The following PATJ variants were observed in gnomAD, a reference collection of about 807,000 sequenced individuals.
PATJ encodes inaD-like protein.
In PATJ, 190 loss-of-function variants were observed where a neutral mutation model predicts 224.9. That is an observed-to-expected ratio of 0.84 (90% CI 0.75 to 0.95). The LOEUF is 0.95. Ranked by LOEUF, PATJ falls within the 40% of genes least tolerant of loss-of-function variation. The probability of loss-of-function intolerance (pLI) is 0.00; values close to 1 mark genes in which losing one functional copy is unlikely to be tolerated. For synonymous variants in PATJ, 769 were observed against 820.3 expected, an observed-to-expected ratio of 0.94 and a Z score of 1.07; for missense variants, 2,121 against 2,270.3, an observed-to-expected ratio of 0.93 and a Z score of 1.34.
intron 28 of PATJ, among the ~76,000 whole-genome samples, chr1:62,013,161 G>A (rs1449561863): frequency 1.3e-5 from 2 of 152,130 alleles, no homozygotes; most frequent in Non-Finnish European, 2.9e-5. Context: ...TAAAATTAAC[G>A]ATCTGCTTTC....
At chr1:61,969,902 C>G (rs955569348) in intron 27 of PATJ, among the ~76,000 whole-genome samples, 7 of 152,020 alleles carry the variant, frequency 4.6e-5, no homozygotes, top group African/African-American at 1.7e-4. Context: ...CCATGTTGGC[C>G]GGACTGGTCT....
chr1:61,880,180 C>T (rs1667903362), intron 21 of PATJ, among the ~76,000 whole-genome samples: 1 of 152,170 alleles, frequency 6.6e-6, no homozygotes, highest in South Asian at 2.1e-4. Flanking sequence ...CTTCTTAGAC[C>T]TTACCATATC....
chr1:61,904,017 G>A (rs930783438), intron 24 of PATJ, among the ~76,000 whole-genome samples: 3 of 151,946 alleles, frequency 2.0e-5, no homozygotes, highest in Admixed American at 6.6e-5. Flanking sequence ...CAGGTGATCC[G>A]CCCACCTCAG....
chr1:61,993,702 A>G (rs868607419), intron 28 of PATJ, among the ~76,000 whole-genome samples: 11 of 152,162 alleles, frequency 7.2e-5, no homozygotes, highest in East Asian at 3.9e-4. Context: ...GGAAATTCCA[A>G]GGGTTTTAGG....
At chr1:61,917,725 G>A (rs2149246988) in intron 26 of PATJ, among the ~76,000 whole-genome samples, 1 of 152,242 alleles carries the variant, frequency 6.6e-6, no homozygotes, top group Non-Finnish European at 1.5e-5. Context: ...GTAGGAGCAT[G>A]TGTTCTTTTA....
intron 22 of PATJ, among the ~76,000 whole-genome samples, chr1:61,898,405 A>ATTTTT (rs34243564): frequency 6.9e-6 from 1 of 144,646 alleles, no homozygotes; most frequent in Non-Finnish European, 1.5e-5. Flanking sequence ...TGCCCAGCTA[A>ATTTTT]TTTTTTTTTT....
chr1:61,796,513 A>C (rs1651134646), intron 10 of PATJ, among the ~76,000 whole-genome samples: 1 of 152,196 alleles, frequency 6.6e-6, no homozygotes, highest in Non-Finnish European at 1.5e-5. Context: ...TTTGAATTGC[A>C]TCAGAGATTA....
intron 28 of PATJ, among the ~76,000 whole-genome samples, chr1:62,013,740 C>CTGAA (rs1646593740): frequency 6.6e-6 from 1 of 152,218 alleles, no homozygotes; most frequent in East Asian, 1.9e-4. Flanking sequence ...AAATGCTTAA[C>CTGAA]TGAATGCCAG....
intron 28 of PATJ, among the ~76,000 whole-genome samples, chr1:62,006,321 C>T (rs1224289572): frequency 6.6e-6 from 1 of 152,064 alleles, no homozygotes; most frequent in Non-Finnish European, 1.5e-5. Flanking sequence ...TCACCATGTT[C>T]CCCAGGCTGG....
intron 1 of PATJ, among the ~76,000 whole-genome samples, chr1:61,754,978 C>T (rs1343480174): frequency 6.6e-6 from 1 of 151,920 alleles, no homozygotes; most frequent in Admixed American, 6.6e-5. Flanking sequence ...GAATGGTCTC[C>T]AAAATGTGCA....
chr1:61,988,000 A>G (rs1479674494), intron 27 of PATJ, among the ~76,000 whole-genome samples: 1 of 152,178 alleles, frequency 6.6e-6, no homozygotes, highest in Non-Finnish European at 1.5e-5. Context: ...GGAGTTTGAG[A>G]CCAGCCTGGG....
At chr1:61,809,851 C>CTT (rs34929042) in intron 14 of PATJ, among the ~76,000 whole-genome samples, 228 of 138,920 alleles carry the variant, frequency 1.6e-3, no homozygotes, top group African/African-American at 2.0e-3. Context: ...TCTTTTCTTT[C>CTT]TTTTTTTTTT....
At position 61,796,786 on chromosome 1, in the gene PATJ, C is replaced by A. The variant is rs577765187; in HGVS notation, c.1261-501C>A. Among the ~76,000 whole-genome samples the A allele has an allele frequency of 8.1e-5, 11 of 135,620 alleles. No homozygotes were observed. The South Asian group carries it at 2.6e-3, about 32-fold the overall frequency. 89.0% of individuals were successfully genotyped at this position (135,620 alleles called of 152,430 possible). ...CTTTCTATTTTCTTCCCCTTTCTTT[C>A]CCCCCTTCCTCTCTTCCTTCCTTCT... On this transcript the variant is annotated intron_variant, in intron 10 of 43. Transcript: ENST00000642238.
intron 28 of PATJ, chr1:62,013,429 A>G: frequency 2.0e-6 from 2 of 985,398 alleles, no homozygotes; most frequent in Non-Finnish European, 2.4e-6. Flanking sequence ...AACTCAGCAC[A>G]TCCTCATTGA....
intron 20 of PATJ, among the ~76,000 whole-genome samples, chr1:61,865,858 T>C (rs890102210): frequency 2.0e-5 from 3 of 152,188 alleles, no homozygotes; most frequent in African/African-American, 4.8e-5. Context: ...AGTGGGCAGA[T>C]AGAGGGTGTT....
In PATJ at chr1:61,862,869, A is replaced by G. The variant is rs1438156498; in HGVS notation, c.2439+1202A>G. Among the ~76,000 whole-genome samples, 4 of 151,944 alleles carry G rather than the reference A, an allele frequency of 2.6e-5. No individual in the cohort carries two copies. The South Asian group carries it at 6.2e-4, about 24-fold the overall frequency. On this transcript the variant is annotated intron_variant, in intron 19 of 43. Coordinates refer to ENST00000642238, the MANE Select transcript of PATJ (RefSeq NM_001350145.3). ...ACAACTGTCTAGTGATATTCTTTGC[A>G]TAATATGTAGACAGTGTCTCAAGAT...
chr1:62,005,909 G>T (rs1231231782), intron 28 of PATJ, among the ~76,000 whole-genome samples: 1 of 152,052 alleles, frequency 6.6e-6, no homozygotes, highest in Non-Finnish European at 1.5e-5. Flanking sequence ...TGTGGGTGGG[G>T]TATTGTTAGG....
chr1:62,023,274 G>C (rs1038783051), intron 29 of PATJ, among the ~76,000 whole-genome samples: 4 of 144,436 alleles, frequency 2.8e-5, no homozygotes, highest in Non-Finnish European at 4.5e-5. Context: ...TGGGCAAAAA[G>C]AGTGAAAGTC....
At chr1:62,156,054 TAAAAAAAAA>T (rs34300724) in intron 43 of PATJ, among the ~76,000 whole-genome samples, 102 of 43,058 alleles carry the variant, frequency 2.4e-3, no homozygotes, top group African/African-American at 9.1e-3. Context: ...CAAGACTCTG[TAAAAAAAAA>T]AAAAAAAAAA....
Sources: gnomAD v4.1 joint callset for allele counts (sites outside exome capture counted in the v4.1 genomes callset) on GRCh38, gnomAD v4.1.1 for gene constraint, MANE v1.5 for transcripts, NCBI Gene and HGNC (gene_info 2026-07-23, HGNC 2026-07-21) for gene names.